The following AUTS2 variants were observed in gnomAD, a reference collection of about 807,000 sequenced individuals.
AUTS2 encodes autism susceptibility gene 2 protein.
Under a neutral mutation model 112.4 loss-of-function variants are expected in AUTS2, and 17 were observed. The ratio of observed to expected loss-of-function variants is 0.15; its 90% CI spans 0.10 to 0.23. The LOEUF (loss-of-function observed/expected upper bound fraction) is 0.23. Among genes scored for constraint, AUTS2 ranks in the 10% least tolerant of loss-of-function variants. The pLI is 1.00. For missense variants in AUTS2, 1,510 were observed against 1,701.6 expected, an observed-to-expected ratio of 0.89 and a Z score of 1.98; for synonymous variants, 751 against 702.7, an observed-to-expected ratio of 1.07 and a Z score of -1.09.
At chr7:69,853,603 T>C (rs1457008155) in intron 1 of AUTS2, among the ~76,000 whole-genome samples, 1 of 152,184 alleles carries the variant, frequency 6.6e-6, no homozygotes, top group African/African-American at 2.4e-5. Context: ...ATTTAGTCAC[T>C]GTACCTTTAA....
intron 5 of AUTS2, among the ~76,000 whole-genome samples, chr7:70,677,514 A>G (rs1182181081): frequency 6.6e-6 from 1 of 152,042 alleles, no homozygotes; most frequent in African/African-American, 2.4e-5. Context: ...GCGTTCCTTG[A>G]GGTTCTGCCT....
intron 5 of AUTS2, among the ~76,000 whole-genome samples, chr7:70,591,231 G>A (rs1802929008): frequency 6.7e-6 from 1 of 148,580 alleles, no homozygotes; most frequent in African/African-American, 2.5e-5. Flanking sequence ...TGTGACACCA[G>A]ACGTGGTGTG....
chr7:70,676,917 C>G (rs1292347272), intron 5 of AUTS2, among the ~76,000 whole-genome samples: 1 of 152,138 alleles, frequency 6.6e-6, no homozygotes, highest in East Asian at 1.9e-4. Context: ...TCCAGTCCTT[C>G]TCTGTTACAC....
At chr7:70,665,844 T>C (rs1440052801) in intron 5 of AUTS2, among the ~76,000 whole-genome samples, 1 of 152,218 alleles carries the variant, frequency 6.6e-6, no homozygotes, top group East Asian at 1.9e-4. Flanking sequence ...CAGATTTTAC[T>C]ATACTCAAGT....
At chr7:70,395,727 C>T (rs7797273) in intron 4 of AUTS2, among the ~76,000 whole-genome samples, 9,610 of 152,210 alleles carry the variant, frequency 0.063, 347 homozygotes, top group African/African-American at 0.1. Flanking sequence ...TGAAGATAAA[C>T]ATGGATTACA....
At chr7:69,775,056 A>AT (rs1214360621) in intron 1 of AUTS2, among the ~76,000 whole-genome samples, 1 of 152,174 alleles carries the variant, frequency 6.6e-6, no homozygotes, top group African/African-American at 2.4e-5. Context: ...CATGGAAATA[A>AT]TTTTTTGTAT....
intron 5 of AUTS2, among the ~76,000 whole-genome samples, chr7:70,490,624 C>G (rs3113282): frequency 0.21 from 31,505 of 151,984 alleles, 3,655 homozygotes; most frequent in African/African-American, 0.29. Context: ...ACTGACAGGT[C>G]ACCAATGGAC....
intron 6 of AUTS2, among the ~76,000 whole-genome samples, chr7:70,735,966 G>T (rs1285241986): frequency 6.6e-6 from 1 of 152,156 alleles, no homozygotes; most frequent in Non-Finnish European, 1.5e-5. Flanking sequence ...TGACAGTGGG[G>T]ATGGATAAAA....
rs535493238 is a variant in AUTS2 at position 69,869,745 on chromosome 7, A to G, written c.310-29541A>G. Among the ~76,000 whole-genome samples the G allele has an allele frequency of 1.5e-4, 23 of 152,326 alleles. No individual in the cohort carries two copies. The East Asian group carries it at 3.9e-3, about 26-fold the overall frequency. ...AGTCAATGACTGAATTGAACATGGC[A>G]TATCATCTCAAATTATACTGGGAAA... On this transcript the variant is annotated intron_variant, in intron 1 of 18. Transcript: ENST00000342771.
At chr7:70,075,612 G>C (rs1802989670) in intron 2 of AUTS2, among the ~76,000 whole-genome samples, 1 of 152,078 alleles carries the variant, frequency 6.6e-6, no homozygotes, top group Non-Finnish European at 1.5e-5. Flanking sequence ...TACCTTGACA[G>C]TACAAATACA....
intron 5 of AUTS2, among the ~76,000 whole-genome samples, chr7:70,510,154 C>T (rs1417421172): frequency 6.6e-6 from 1 of 152,184 alleles, no homozygotes; most frequent in African/African-American, 2.4e-5. Flanking sequence ...GCCTTGCTTC[C>T]TCCTGTGAGC....
intron 4 of AUTS2, among the ~76,000 whole-genome samples, chr7:70,374,153 A>G (rs538851599): frequency 6.6e-6 from 1 of 152,350 alleles, no homozygotes; most frequent in East Asian, 1.9e-4. Flanking sequence ...GAATTTCTAC[A>G]AGAAGCAGAG....
At chr7:70,449,786 A>G (rs1242528616) in intron 5 of AUTS2, among the ~76,000 whole-genome samples, 1 of 152,240 alleles carries the variant, frequency 6.6e-6, no homozygotes, top group Non-Finnish European at 1.5e-5. Flanking sequence ...ATTAAAAGCC[A>G]TAGAAATACA....
chr7:69,842,055 T>TC (rs1792004943), intron 1 of AUTS2, among the ~76,000 whole-genome samples: 1 of 152,204 alleles, frequency 6.6e-6, no homozygotes, highest in Admixed American at 6.5e-5. Context: ...ATATTTATAT[T>TC]CAGCATAGAG....
intron 5 of AUTS2, among the ~76,000 whole-genome samples, chr7:70,618,829 C>CA (rs1351995345): frequency 6.6e-6 from 1 of 152,164 alleles, no homozygotes; most frequent in Admixed American, 6.5e-5. Flanking sequence ...AGCTCTCGAA[C>CA]AGCAGCCCTG....
intron 6 of AUTS2, among the ~76,000 whole-genome samples, chr7:70,715,853 G>A (rs1285237975): frequency 6.6e-6 from 1 of 152,150 alleles, no homozygotes; most frequent in Non-Finnish European, 1.5e-5. Flanking sequence ...TTTTATTGAA[G>A]TTGTAGATGT....
intron 1 of AUTS2, among the ~76,000 whole-genome samples, chr7:69,609,302 C>G (rs1372839526): frequency 2.0e-5 from 3 of 152,068 alleles, no homozygotes; most frequent in Non-Finnish European, 2.9e-5. Flanking sequence ...GTAAAGCTTC[C>G]CATTTCAGCT....
At chr7:69,980,730 A>T (rs1038954068) in intron 2 of AUTS2, among the ~76,000 whole-genome samples, 5 of 150,536 alleles carry the variant, frequency 3.3e-5, no homozygotes, top group African/African-American at 4.9e-5. Context: ...CTTGGGAATT[A>T]AAAAAAAAAT....
intron 2 of AUTS2, among the ~76,000 whole-genome samples, chr7:69,925,805 C>A (rs1345538174): frequency 6.6e-6 from 1 of 152,200 alleles, no homozygotes; most frequent in African/African-American, 2.4e-5. Flanking sequence ...CAGGTATGAG[C>A]TACTGAACCT....
Sources: allele counts gnomAD v4.1 joint callset (sites outside exome capture counted in the v4.1 genomes callset), GRCh38; gene constraint gnomAD v4.1.1; transcripts MANE v1.5; gene names NCBI Gene and HGNC (gene_info 2026-07-23, HGNC 2026-07-21).